Variants in CLK3 observed in about 807,000 individuals in gnomAD.
CLK3 encodes dual specificity protein kinase CLK3.
Under a neutral mutation model 65.2 loss-of-function variants are expected in CLK3, and 24 were observed. That is an observed-to-expected ratio of 0.37 (90% CI 0.27 to 0.52). CLK3 has a LOEUF of 0.52. Ranked by LOEUF, CLK3 falls within the 20% of genes least tolerant of loss-of-function variation. The probability of loss-of-function intolerance (pLI) is 0.92; values close to 1 mark genes in which losing one functional copy is unlikely to be tolerated. For missense variants in CLK3, 506 were observed against 660.0 expected (o/e 0.77, Z 2.56); for synonymous variants, 252 against 240.8 (o/e 1.05, Z -0.43).
At chr15:74,609,284 G>A (rs1051569242) in intron 1 of CLK3, among the ~76,000 whole-genome samples, 1 of 152,214 alleles carries the variant, frequency 6.6e-6, no homozygotes, top group Non-Finnish European at 1.5e-5. Flanking sequence ...ACCCCAGCCC[G>A]CAGAGGCTTC....
intron 1 of CLK3, among the ~76,000 whole-genome samples, chr15:74,617,445 A>G (rs2062069450): frequency 6.6e-6 from 1 of 152,236 alleles, no homozygotes; most frequent in Non-Finnish European, 1.5e-5. Flanking sequence ...GAGATATTTA[A>G]TCCTCACAGA....
upstream of CLK3, chr15:74,615,065 T>G: frequency 4.8e-6 from 1 of 209,126 alleles, no homozygotes; most frequent in African/African-American, 2.3e-5. Context: ...TGTCAGGGAT[T>G]TTGGTGACCC....
chr15:74,626,503 T>G (rs2062144353), intron 7 of CLK3, among the ~76,000 whole-genome samples: 1 of 152,204 alleles, frequency 6.6e-6, no homozygotes, highest in Non-Finnish European at 1.5e-5. Context: ...TCACCCCGCA[T>G]CGCTCCCCTA....
intron 1 of CLK3, among the ~76,000 whole-genome samples, chr15:74,610,730 G>A (rs1036231424): frequency 1.3e-5 from 2 of 152,246 alleles, no homozygotes; most frequent in Non-Finnish European, 2.9e-5. Flanking sequence ...CAGGGTGGAG[G>A]CCAGCAGGAC....
chr15:74,622,400 T>G lies in CLK3; in HGVS notation c.467-94T>G. 1 of 1,133,458 alleles carries G rather than the reference T, an allele frequency of 8.8e-7. No individual in the cohort carries two copies. The highest frequency in any genetic ancestry group is 1.3e-6 in the Non-Finnish European group (1 of 775,008). The allele number at this position is 1,133,458 out of a possible 1,614,324, so 70.2% of individuals were successfully genotyped here. A position where few individuals can be genotyped will look rare whatever the true frequency, so the allele number is the denominator to read the frequency against. ...GAGTGTAGCAGTGAGAGAGAAACCTTTTTTGTTTTTGAGAATTTGAATGCT... is the reference window on the plus strand; with the variant it reads ...GAGTGTAGCAGTGAGAGAGAAACCTGTTTTGTTTTTGAGAATTTGAATGCT... On this transcript the variant is annotated intron_variant, in intron 4 of 12. Transcript: ENST00000395066. The surrounding 1 kb of genome is among the most constrained non-coding windows in gnomAD (Gnocchi z 4.6).
chr15:74,612,688 C>T (rs1266816249), upstream of CLK3, among the ~76,000 whole-genome samples: 2 of 152,194 alleles, frequency 1.3e-5, no homozygotes, highest in African/African-American at 4.8e-5. Flanking sequence ...ACTCTCCTCT[C>T]CCCTTACTCC....
intron 1 of CLK3, 153 bp downstream of exon 1, chr15:74,616,051 C>A (rs527404976): frequency 9.1e-6 from 5 of 551,266 alleles, no homozygotes; most frequent in Non-Finnish European, 1.4e-5. Context: ...CACCCCTGAC[C>A]CGCTGCTTCT....
At chr15:74,617,787 G>A (rs1197071531) in intron 1 of CLK3, among the ~76,000 whole-genome samples, 2 of 152,200 alleles carry the variant, frequency 1.3e-5, no homozygotes. Context: ...CAATTAGTGG[G>A]GTGTGAGTTC....
chr15:74,619,064 T>A (rs2062081248), intron 1 of CLK3, 133 bp from the exon 2 acceptor site: 1 of 1,047,160 alleles, frequency 9.5e-7, no homozygotes, highest in African/African-American at 1.6e-5. Context: ...CTTCACTTCA[T>A]AAACCTCTGG....
upstream of CLK3, among the ~76,000 whole-genome samples, chr15:74,613,686 C>T (rs1226970405): frequency 6.6e-6 from 1 of 152,064 alleles, no homozygotes. Flanking sequence ...GGGCTGGGGA[C>T]AGAAGCTTCT....
upstream of CLK3, among the ~76,000 whole-genome samples, chr15:74,611,477 C>T (rs944890878): frequency 2.0e-5 from 3 of 152,252 alleles, no homozygotes; most frequent in Admixed American, 6.5e-5. Flanking sequence ...GGGCTTGCTC[C>T]GACAGGGCCT....
chr15:74,627,020 A>C lies in CLK3; in HGVS notation c.818-332A>C. Reference sequence around the variant, plus strand: ...GCAAATTATGTAGCTGGTGCAGGGAAGAGGGAACCACCTCGAGGCTGTTGC... The same window carrying C: ...GCAAATTATGTAGCTGGTGCAGGGACGAGGGAACCACCTCGAGGCTGTTGC... On this transcript the variant is annotated intron_variant, in intron 7 of 12. Transcript: ENST00000395066. This position sits in a 1 kb window ranked among gnomAD's most constrained non-coding sequence, Gnocchi z 4.3. 2.0e-6 allele frequency: 1 copy of C among 489,386 alleles called. No individual in the cohort carries two copies. The highest frequency in any genetic ancestry group is 4.0e-6 in the Non-Finnish European group (1 of 249,710). 30.3% of individuals were successfully genotyped at this position (489,386 alleles called of 1,614,324 possible).
chr15:74,622,624 G>C lies in CLK3; in HGVS notation c.533+64G>C. 7.7e-7 allele frequency: 1 copy of C among 1,302,406 alleles called. No homozygotes were observed. Among genetic ancestry groups the C allele is most frequent in the South Asian group, 1.3e-5 (1 of 75,374 alleles). 80.7% of individuals were successfully genotyped at this position (1,302,406 alleles called of 1,614,324 possible). A position where few individuals can be genotyped will look rare whatever the true frequency, so the allele number is the denominator to read the frequency against. ...ATCTTCCTGGGAAGAGCTGGCCTGA[G>C]GTTCTTGAGGGTGGCAGCTATCAGA... On this transcript the variant is annotated intron_variant, in intron 5 of 12. Transcript: ENST00000395066. This position sits in a 1 kb window ranked among gnomAD's most constrained non-coding sequence, Gnocchi z 4.6.
intron 3 of CLK3, 108 bp downstream of exon 3, chr15:74,620,333 C>T: frequency 6.9e-7 from 1 of 1,458,650 alleles, no homozygotes; most frequent in Non-Finnish European, 9.4e-7. Context: ...TGTGCACGTG[C>T]ACTGGTGTGC....
At chr15:74,615,463 C>G (rs1235219108), upstream of CLK3, 1 of 1,312,922 alleles carries the variant, frequency 7.6e-7, no homozygotes, top group South Asian at 2.1e-5. Flanking sequence ...CAATGCCCGT[C>G]CTCTCCGCGC....
chr15:74,615,261 A>G (rs949204126), upstream of CLK3: 4 of 440,722 alleles, frequency 9.1e-6, no homozygotes, highest in East Asian at 1.1e-4. Flanking sequence ...GAGTAGCTCT[A>G]GGGTATCTTC....
chr15:74,625,854 G>A lies in CLK3; in HGVS notation c.703G>A (p.Ala235Thr), dbSNP rs763864813. 1.9e-6 allele frequency: 3 copies of A among 1,613,962 alleles called. No homozygotes were observed. The highest frequency in any genetic ancestry group is 4.5e-5 in the East Asian group (2 of 44,888). ...CAACTTCCACGGTCACATGTGCATC[G>A]CCTTTGAGCTCCTGGGCAAGAACAC... ...WFNFHGHMCIAFELLGKNTFE... is the reference protein window; with the variant it reads ...WFNFHGHMCITFELLGKNTFE... The change falls in exon 7 of 13, where the codon GCC becomes ACC. Residue 235 changes from alanine to threonine, a missense_variant. Ala to Thr is a moderately conservative substitution (Grantham distance 58). Around this residue, in one of 2 missense-constraint regions of CLK3, gnomAD observed 325 missense variants for 500.5 expected, o/e 0.65. Transcript: ENST00000395066.
chr15:74,615,110 G>A (rs1275191893), upstream of CLK3: 2 of 289,074 alleles, frequency 6.9e-6, no homozygotes, highest in Non-Finnish European at 6.4e-6. Context: ...GGGCTGTCCA[G>A]TGGCCCAGAG....
intron 1 of CLK3, among the ~76,000 whole-genome samples, chr15:74,609,393 T>C (rs1177375782): frequency 6.6e-6 from 1 of 152,202 alleles, no homozygotes; most frequent in Non-Finnish European, 1.5e-5. Context: ...GGAGTGTCAC[T>C]GTGTGGACGC....
Sources: allele counts gnomAD v4.1 joint callset (sites outside exome capture counted in the v4.1 genomes callset), GRCh38; gene constraint gnomAD v4.1.1; regional missense constraint gnomAD v4.1.1; non-coding constraint Gnocchi (gnomAD v3.1); transcripts MANE v1.5; gene names NCBI Gene and HGNC (gene_info 2026-07-23, HGNC 2026-07-21).